The following KCNMB4 variants were observed in gnomAD, a reference collection of about 807,000 sequenced individuals.
The protein encoded by KCNMB4 is calcium-activated potassium channel subunit beta-4.
Under a neutral mutation model 20.7 loss-of-function variants are expected in KCNMB4, and 3 were observed. The ratio of observed to expected loss-of-function variants is 0.14; its 90% CI spans 0.07 to 0.37. The LOEUF is 0.37. Among genes scored for constraint, KCNMB4 ranks in the 10% least tolerant of loss-of-function variants. The pLI, the probability that KCNMB4 is intolerant of heterozygous loss-of-function variation, is 1.00. For synonymous variants in KCNMB4, 110 were observed against 113.4 expected (o/e 0.97, Z 0.19); for missense variants, 168 against 265.9 (o/e 0.63, Z 2.56).
intron 2 of KCNMB4, among the ~76,000 whole-genome samples, chr12:70,413,624 A>G (rs1868841359): frequency 6.6e-6 from 1 of 152,200 alleles, no homozygotes; most frequent in Non-Finnish European, 1.5e-5. Flanking sequence ...TGTGGAGTTC[A>G]CAGACTCATA....
intron 1 of KCNMB4, among the ~76,000 whole-genome samples, chr12:70,388,648 A>G (rs1006102563): frequency 2.0e-5 from 3 of 152,052 alleles, no homozygotes; most frequent in Non-Finnish European, 4.4e-5. Context: ...CCTGTTTGCC[A>G]TTTGTATGTC....
chr12:70,426,878 G>A (rs1869229654), intron 2 of KCNMB4, among the ~76,000 whole-genome samples: 1 of 152,170 alleles, frequency 6.6e-6, no homozygotes, highest in Non-Finnish European at 1.5e-5. Flanking sequence ...AGTGCTTAGG[G>A]AAGTTTTTCT....
At chr12:70,428,646 G>T (rs1226178855) in intron 2 of KCNMB4, among the ~76,000 whole-genome samples, 1 of 152,160 alleles carries the variant, frequency 6.6e-6, no homozygotes, top group Non-Finnish European at 1.5e-5. Context: ...AGACAAGCAT[G>T]AAGTTTCTTG....
At chr12:70,422,782 C>T (rs1329178966) in intron 2 of KCNMB4, 22 of 1,271,878 alleles carry the variant, frequency 1.7e-5, no homozygotes, top group East Asian at 1.1e-4. Flanking sequence ...AATAGGCCCC[C>T]GATCTCAGGG....
intron 2 of KCNMB4, among the ~76,000 whole-genome samples, chr12:70,426,280 CGA>C (rs2136143897): frequency 6.8e-6 from 1 of 146,612 alleles, no homozygotes; most frequent in South Asian, 2.2e-4. Flanking sequence ...GGTGACAGAG[CGA>C]GATTCCGTCT....
chr12:70,421,472 A>G (rs1206048762), intron 2 of KCNMB4, among the ~76,000 whole-genome samples: 1 of 16,954 alleles, frequency 5.9e-5, no homozygotes, highest in Non-Finnish European at 9.8e-5. Flanking sequence ...TCAAAAAAGA[A>G]AAAAAAAAAA....
chr12:70,366,609 C>G lies in KCNMB4; in HGVS notation c.-126C>G. Reference sequence around the variant, plus strand: ...TTCTCGCGCGCTCCCCCTCGCCGCCCACTCCCCTGCTGTCGCGCGGCGGCG... The same window carrying G: ...TTCTCGCGCGCTCCCCCTCGCCGCCGACTCCCCTGCTGTCGCGCGGCGGCG... On this transcript the variant is annotated 5_prime_UTR_variant, in exon 1 of 3. Transcript: ENST00000258111. The G allele has an allele frequency of 1.7e-6, 1 of 579,458 alleles. No individual in the cohort carries two copies. The highest frequency in any genetic ancestry group is 2.4e-6 in the Non-Finnish European group (1 of 414,244). The allele number at this position is 579,458 out of a possible 1,614,324, so 35.9% of individuals were successfully genotyped here. A position where few individuals can be genotyped will look rare whatever the true frequency, so the allele number is the denominator to read the frequency against.
chr12:70,415,196 CAG>C (rs1868884000), intron 2 of KCNMB4, among the ~76,000 whole-genome samples: 1 of 152,172 alleles, frequency 6.6e-6, no homozygotes, highest in Admixed American at 6.5e-5. Context: ...AACTGGAACA[CAG>C]AGGTTAAGCA....
chr12:70,388,218 A>G (rs544752538), intron 1 of KCNMB4, among the ~76,000 whole-genome samples: 15 of 152,228 alleles, frequency 9.9e-5, no homozygotes, highest in Non-Finnish European at 1.6e-4. Context: ...TTCTTTATCC[A>G]TTCATCTGTT....
intron 1 of KCNMB4, among the ~76,000 whole-genome samples, chr12:70,396,391 C>T (rs1476398032): frequency 5.9e-5 from 9 of 152,224 alleles, no homozygotes; most frequent in South Asian, 4.2e-4. Flanking sequence ...CTGCAGCCTC[C>T]GCCTCCTGGG....
At chr12:70,369,303 G>A (rs1010970226) in intron 1 of KCNMB4, among the ~76,000 whole-genome samples, 2 of 152,078 alleles carry the variant, frequency 1.3e-5, no homozygotes, top group African/African-American at 4.8e-5. Context: ...AATTCTTATA[G>A]GCAGTGTGAT....
intron 1 of KCNMB4, among the ~76,000 whole-genome samples, chr12:70,368,538 G>A (rs2136112491): frequency 6.6e-6 from 1 of 152,120 alleles, no homozygotes; most frequent in East Asian, 1.9e-4. Flanking sequence ...GTTGTAACTT[G>A]ATCCTCTTAA....
intron 1 of KCNMB4, 41 bp downstream of exon 1, chr12:70,367,111 G>T: frequency 6.9e-7 from 1 of 1,456,372 alleles, no homozygotes; most frequent in Non-Finnish European, 9.1e-7. Flanking sequence ...CCGCGAGGGA[G>T]GTTTGGAGGC....
In KCNMB4 at chr12:70,366,856, G is replaced by C; in HGVS notation, c.122G>C (p.Ser41Thr). 6.2e-7 allele frequency: 1 copy of C among 1,612,934 alleles called. No individual in the cohort carries two copies. Among genetic ancestry groups the C allele is most frequent in the Non-Finnish European group, 8.5e-7 (1 of 1,179,858 alleles). ...TTCATCTTCGGCTTCTGCTGGCTGA[G>C]TCCCGCGCTGCAGGATCTGCAAGCC... ...SLFIFGFCWL[S>T]PALQDLQATE... Residue 41 changes from serine to threonine, a missense_variant, in exon 1 of 3, where the codon AGT (serine) becomes ACT (threonine). Coordinates refer to ENST00000258111, the MANE Select transcript of KCNMB4 (RefSeq NM_014505.6).
chr12:70,431,957 A>G lies in KCNMB4; in HGVS notation c.*1304A>G, dbSNP rs996321168. On this transcript the variant is annotated 3_prime_UTR_variant, in exon 3 of 3. Coordinates refer to ENST00000258111, the MANE Select transcript of KCNMB4 (RefSeq NM_014505.6). ...AGACAAGTTCCCCTCAGTTATTTCCATGGAGCTGTAATATGTATATATGGA... is the reference window on the plus strand; with the variant it reads ...AGACAAGTTCCCCTCAGTTATTTCCGTGGAGCTGTAATATGTATATATGGA... The G allele has an allele frequency of 6.6e-6, 1 of 151,942 alleles. No individual in the cohort carries two copies. The highest frequency in any genetic ancestry group is 1.5e-5 in the Non-Finnish European group (1 of 67,990). The allele number at this position is 151,942 out of a possible 1,614,324, so 9.4% of individuals were successfully genotyped here.
chr12:70,400,178 T>C, intron 1 of KCNMB4, 31 bp from the exon 2 acceptor site: 1 of 1,499,872 alleles, frequency 6.7e-7, no homozygotes, highest in Non-Finnish European at 9.0e-7. Context: ...CATAAAATAA[T>C]AGGTTTACTT....
At chr12:70,393,684 A>T (rs1868323262) in intron 1 of KCNMB4, among the ~76,000 whole-genome samples, 1 of 152,194 alleles carries the variant, frequency 6.6e-6, no homozygotes, top group Admixed American at 6.5e-5. Context: ...AATTCTAACT[A>T]AAAAAACTAT....
chr12:70,417,531 T>C (rs1041177664), intron 2 of KCNMB4, among the ~76,000 whole-genome samples: 1 of 152,160 alleles, frequency 6.6e-6, no homozygotes, highest in Non-Finnish European at 1.5e-5. Context: ...AATGACAGAA[T>C]GAGTAGTAAA....
chr12:70,384,444 A>G (rs1457644608), intron 1 of KCNMB4, among the ~76,000 whole-genome samples: 1 of 152,194 alleles, frequency 6.6e-6, no homozygotes, highest in Non-Finnish European at 1.5e-5. Context: ...TTACTTAAAT[A>G]CCCCTCTCCC....
Sources: allele counts gnomAD v4.1 joint callset (sites outside exome capture counted in the v4.1 genomes callset), GRCh38; gene constraint gnomAD v4.1.1; transcripts MANE v1.5; gene names NCBI Gene and HGNC (gene_info 2026-07-23, HGNC 2026-07-21).